Variants in CRYBG3 observed in about 807,000 individuals in gnomAD.
CRYBG3 encodes very large A-kinase anchor protein.
A neutral mutation model predicts 244.2 loss-of-function variants in CRYBG3; 127 were observed. The observed-to-expected ratio is 0.52, with a 90% CI of 0.45 to 0.60. The LOEUF is 0.60. Ranked by LOEUF, CRYBG3 falls within the 20% of genes least tolerant of loss-of-function variation. CRYBG3 has a pLI of 0.00. For missense variants in CRYBG3, 3,325 were observed against 3,442.5 expected, an observed-to-expected ratio of 0.97 and a Z score of 0.85; for synonymous variants, 1,132 against 1,195.8, an observed-to-expected ratio of 0.95 and a Z score of 1.10.
In CRYBG3 at chr3:97,877,992, T is replaced by C; in HGVS notation, c.6798T>C (p.Tyr2266=). ...TTTTTCAGGAACCAGTGTCAAAATA[T>C]TTCCGTGTTCAAGACAGCCCAGGCA... ...GGIFQEPVSK[Y]FRVQDSPGRL... is the part of the protein sequence containing the mutation. The change falls in exon 4 of 22, where the codon TAT becomes TAC. Residue 2266 remains tyrosine, a synonymous_variant. Transcript: ENST00000389622. The C allele has an allele frequency of 6.2e-7, 1 of 1,614,100 alleles. No homozygotes were observed. Among genetic ancestry groups the C allele is most frequent in the Non-Finnish European group, 8.5e-7 (1 of 1,179,988 alleles).
intron 2 of CRYBG3, among the ~76,000 whole-genome samples, chr3:97,854,591 AT>A (rs36107870): frequency 0.29 from 39,771 of 136,856 alleles, 5,036 homozygotes; most frequent in Middle Eastern, 0.33. Context: ...ACTCCTAAGT[AT>A]TTTTTTTTTT....
At chr3:97,866,339 A>C (rs989481654) in intron 3 of CRYBG3, among the ~76,000 whole-genome samples, 10 of 152,212 alleles carry the variant, frequency 6.6e-5, no homozygotes, top group African/African-American at 2.4e-4. Context: ...ACATTATAGG[A>C]ACATATATTT....
chr3:97,832,227 CAAA>C (rs34688264), intron 1 of CRYBG3, among the ~76,000 whole-genome samples: 2 of 81,760 alleles, frequency 2.4e-5, no homozygotes, highest in Non-Finnish European at 5.5e-5. Flanking sequence ...CATGTGGAAC[CAAA>C]AAAAAAAAAA....
At chr3:97,862,843 A>G (rs899119351) in intron 2 of CRYBG3, among the ~76,000 whole-genome samples, 6 of 152,200 alleles carry the variant, frequency 3.9e-5, no homozygotes, top group African/African-American at 1.4e-4. Flanking sequence ...ACATCAAACA[A>G]TGCCATGTGC....
intron 2 of CRYBG3, among the ~76,000 whole-genome samples, chr3:97,862,538 C>T (rs2039165694): frequency 6.6e-6 from 1 of 152,090 alleles, no homozygotes; most frequent in Non-Finnish European, 1.5e-5. Flanking sequence ...TTACAATAAA[C>T]CAAATTGTTA....
chr3:97,851,591 CA>C (rs1440742296), intron 2 of CRYBG3, among the ~76,000 whole-genome samples: 17 of 152,144 alleles, frequency 1.1e-4, no homozygotes. Context: ...CAAAGATACA[CA>C]GTAGTGTGAG....
intron 16 of CRYBG3, 131 bp downstream of exon 16, chr3:97,912,407 G>C (rs972217800): frequency 6.5e-6 from 3 of 463,342 alleles, no homozygotes; most frequent in Non-Finnish European, 1.1e-5. Context: ...CCTGCTAACT[G>C]GTCTATATTA....
intron 17 of CRYBG3, among the ~76,000 whole-genome samples, chr3:97,920,050 A>AGCCAT: frequency 6.6e-6 from 1 of 151,992 alleles, no homozygotes; most frequent in South Asian, 2.1e-4. Flanking sequence ...GATTACAGGT[A>AGCCAT]CAAACCACTG....
In CRYBG3 at chr3:97,874,411, A is replaced by G. The variant is rs764243991; in HGVS notation, c.3217A>G (p.Ile1073Val). The G allele has an allele frequency of 3.3e-6, 5 of 1,534,888 alleles. No homozygotes were observed. The highest frequency in any genetic ancestry group is 1.4e-5 in the African/African-American group (1 of 73,102). The change falls in exon 4 of 22, where the codon ATA becomes GTA. Residue 1073 changes from isoleucine (I) to valine (V), a missense_variant. By Grantham distance (29) the Ile-to-Val change is conservative. Around this residue, in one of 4 missense-constraint regions of CRYBG3, gnomAD observed 1,526 missense variants for 1,443.2 expected, o/e 1.06. Transcript: ENST00000389622. ...TAGTTACCCTGAAGAAGTTAGCATG[A>G]TAGTAAATTCACATAAGCCCCAAAA... ...SSSYPEEVSM[I>V]VNSHKPQNNL...
At chr3:97,862,512 A>C (rs2039165229) in intron 2 of CRYBG3, among the ~76,000 whole-genome samples, 1 of 152,152 alleles carries the variant, frequency 6.6e-6, no homozygotes, top group South Asian at 2.1e-4. Context: ...CTGGGGAGAA[A>C]TATTGTGGCT....
At chr3:97,856,736 G>A (rs2039071261) in intron 2 of CRYBG3, among the ~76,000 whole-genome samples, 1 of 151,944 alleles carries the variant, frequency 6.6e-6, no homozygotes, top group African/African-American at 2.4e-5. Context: ...GTAAGCCTTT[G>A]TATTATGGTG....
chr3:97,889,207 T>A (rs1440937611), intron 9 of CRYBG3, 148 bp from the exon 10 acceptor site: 12 of 662,544 alleles, frequency 1.8e-5, no homozygotes, highest in Non-Finnish European at 3.1e-5. Context: ...GTGCTTAAAG[T>A]TTAAAATTTA....
intron 4 of CRYBG3, 125 bp from the exon 5 acceptor site, chr3:97,879,579 A>G: frequency 1.6e-6 from 1 of 630,540 alleles, no homozygotes; most frequent in Non-Finnish European, 2.8e-6. Context: ...CGAGAGAAGC[A>G]CCTTGCTCAT....
At chr3:97,903,390 A>G (rs371689700) in intron 15 of CRYBG3, among the ~76,000 whole-genome samples, 2 of 152,316 alleles carry the variant, frequency 1.3e-5, no homozygotes. Flanking sequence ...TATTTCAGTA[A>G]AGAAAGCCTT....
intron 2 of CRYBG3, among the ~76,000 whole-genome samples, chr3:97,853,716 A>G (rs960807380): frequency 1.3e-5 from 2 of 152,180 alleles, no homozygotes; most frequent in African/African-American, 4.8e-5. Flanking sequence ...CCGTGTCAAC[A>G]TCTATAATTT....
At chr3:97,904,143 A>G (rs934651668) in intron 15 of CRYBG3, among the ~76,000 whole-genome samples, 2 of 152,198 alleles carry the variant, frequency 1.3e-5, no homozygotes, top group East Asian at 3.8e-4. Flanking sequence ...AGTAGAAACC[A>G]CAAGTTAATT....
chr3:97,842,330 A>G (rs2038831631), intron 1 of CRYBG3, among the ~76,000 whole-genome samples: 1 of 152,134 alleles, frequency 6.6e-6, no homozygotes, highest in Admixed American at 6.6e-5. Flanking sequence ...TGAAAGGCCA[A>G]GTTTAGAGGA....
intron 6 of CRYBG3, 75 bp downstream of exon 6, chr3:97,880,175 T>TC: frequency 1.3e-6 from 1 of 748,814 alleles, no homozygotes; most frequent in Non-Finnish European, 2.2e-6. Flanking sequence ...TGCTTTTTTT[T>TC]CTATTTTTTA....
chr3:97,893,293 G>C (rs564370928), intron 11 of CRYBG3, among the ~76,000 whole-genome samples: 4 of 152,190 alleles, frequency 2.6e-5, no homozygotes. Context: ...AGTTATGAAC[G>C]TGAATGACAG....
Sources: gnomAD v4.1 joint callset for allele counts (sites outside exome capture counted in the v4.1 genomes callset) on GRCh38, gnomAD v4.1.1 for gene constraint, gnomAD v4.1.1 regional missense constraint, MANE v1.5 for transcripts, NCBI Gene and HGNC (gene_info 2026-07-23, HGNC 2026-07-21) for gene names.